SLC24A3: variants seen among roughly 807,000 people sequenced by gnomAD.
SLC24A3 encodes sodium/potassium/calcium exchanger 3.
A neutral mutation model predicts 75.8 loss-of-function variants in SLC24A3; 28 were observed. The observed-to-expected ratio is 0.37, with a 90% CI of 0.27 to 0.51. The LOEUF is 0.51. SLC24A3 is among the 20% of genes least tolerant of loss of function. The pLI, the probability that SLC24A3 is intolerant of heterozygous loss-of-function variation, is 0.94. For missense variants in SLC24A3, 663 were observed against 847.8 expected (o/e 0.78, Z 2.71); for synonymous variants, 372 against 334.1 (o/e 1.11, Z -1.24).
At chr20:19,647,674 A>T (rs1293344481) in intron 6 of SLC24A3, among the ~76,000 whole-genome samples, 1 of 152,242 alleles carries the variant, frequency 6.6e-6, no homozygotes, top group African/African-American at 2.4e-5. Flanking sequence ...ACTTAACATG[A>T]AAACTGCACA....
Position 19,212,695 on chromosome 20 carries a change from A to G in SLC24A3, c.-148A>G. On this transcript the variant is annotated 5_prime_UTR_variant, in exon 1 of 17. Transcript: ENST00000328041. ...AGACGGGCAGCGGCGAGGAGGAGGA[A>G]GAGGAGGCGGAGGCGGCGGCCGGGT... The G allele has an allele frequency of 2.2e-6, 1 of 456,818 alleles. No homozygotes were observed. Among genetic ancestry groups the G allele is most frequent in the Non-Finnish European group, 2.9e-6 (1 of 348,608 alleles). 28.3% of individuals were successfully genotyped at this position (456,818 alleles called of 1,614,324 possible).
At chr20:19,621,303 T>G (rs1273269347) in intron 6 of SLC24A3, among the ~76,000 whole-genome samples, 2 of 152,204 alleles carry the variant, frequency 1.3e-5, no homozygotes, top group African/African-American at 4.8e-5. Context: ...TTTCTCCCTA[T>G]GTCTCTTAGC....
chr20:19,271,852 T>C (rs1448383752), intron 1 of SLC24A3, among the ~76,000 whole-genome samples: 1 of 152,178 alleles, frequency 6.6e-6, no homozygotes, highest in East Asian at 1.9e-4. Context: ...GGGTGAGGGA[T>C]AAAAGACTAC....
chr20:19,291,780 C>A (rs1394152376), intron 2 of SLC24A3, among the ~76,000 whole-genome samples: 1 of 152,188 alleles, frequency 6.6e-6, no homozygotes. Context: ...GACCTCAGGG[C>A]CCACTCAGTG....
chr20:19,563,553 T>C (rs2030911099), intron 3 of SLC24A3, among the ~76,000 whole-genome samples: 1 of 152,208 alleles, frequency 6.6e-6, no homozygotes, highest in East Asian at 1.9e-4. Flanking sequence ...AGAATAAATG[T>C]TGAATAAATA....
intron 2 of SLC24A3, among the ~76,000 whole-genome samples, chr20:19,450,491 A>T (rs1987461581): frequency 6.6e-6 from 1 of 152,124 alleles, no homozygotes; most frequent in South Asian, 2.1e-4. Context: ...CCTCTGTGCA[A>T]CGTCACGTGT....
chr20:19,634,163 G>A (rs935038886), intron 6 of SLC24A3, among the ~76,000 whole-genome samples: 3 of 152,142 alleles, frequency 2.0e-5, no homozygotes, highest in Non-Finnish European at 2.9e-5. Flanking sequence ...CATGGTAGTG[G>A]TGTTTATGTG....
At chr20:19,317,191 A>G (rs1193355134) in intron 2 of SLC24A3, among the ~76,000 whole-genome samples, 2 of 152,222 alleles carry the variant, frequency 1.3e-5, no homozygotes, top group Admixed American at 1.3e-4. Flanking sequence ...AAAAACTTAA[A>G]TGCAAAACCC....
chr20:19,407,064 A>G (rs749535431), intron 2 of SLC24A3, among the ~76,000 whole-genome samples: 1 of 152,162 alleles, frequency 6.6e-6, no homozygotes, highest in Admixed American at 6.5e-5. Flanking sequence ...CCAATCTGTG[A>G]GGTTGGGATC....
intron 2 of SLC24A3, among the ~76,000 whole-genome samples, chr20:19,472,273 A>G (rs1254951415): frequency 1.3e-5 from 2 of 152,256 alleles, no homozygotes; most frequent in African/African-American, 2.4e-5. Context: ...CGTTATGCAC[A>G]TAAAAAATGC....
chr20:19,492,520 G>A (rs1423060002), intron 2 of SLC24A3, among the ~76,000 whole-genome samples: 2 of 152,184 alleles, frequency 1.3e-5, no homozygotes, highest in African/African-American at 2.4e-5. Context: ...CATTCAAGAA[G>A]CAGAGGATTC....
intron 2 of SLC24A3, among the ~76,000 whole-genome samples, chr20:19,306,817 T>A (rs1204191346): frequency 6.6e-6 from 1 of 152,122 alleles, no homozygotes; most frequent in Non-Finnish European, 1.5e-5. Context: ...AATTTACCCA[T>A]GCAATAAACC....
chr20:19,538,903 A>C lies in SLC24A3; in HGVS notation c.348+23339A>C, dbSNP rs539750453. On this transcript the variant is annotated intron_variant, in intron 3 of 16. Transcript: ENST00000328041. Reference sequence around the variant, plus strand: ...GGATAAACTGTGCTGTGTTCAAACAACAGAATGCTATGCAACAATGGTGAT... The same window carrying C: ...GGATAAACTGTGCTGTGTTCAAACACCAGAATGCTATGCAACAATGGTGAT... Among the ~76,000 whole-genome samples the C allele has an allele frequency of 3.9e-5, 6 of 152,382 alleles. No homozygotes were observed. In the East Asian group the frequency reaches 1.2e-3, roughly 29 times the overall value.
intron 15 of SLC24A3, among the ~76,000 whole-genome samples, chr20:19,699,838 G>A (rs563074665): frequency 4.6e-5 from 7 of 152,258 alleles, no homozygotes; most frequent in Middle Eastern, 3.4e-3. Flanking sequence ...TTTTGGGGAG[G>A]GCTGGTCAAG....
At chr20:19,712,331 T>G (rs6112529) in intron 15 of SLC24A3, among the ~76,000 whole-genome samples, 7,635 of 151,864 alleles carry the variant, frequency 0.05, 259 homozygotes, top group Middle Eastern at 0.11. Context: ...GAGGAAAAAC[T>G]CACGAGCCAG....
chr20:19,339,708 C>T (rs1985223786), intron 2 of SLC24A3, among the ~76,000 whole-genome samples: 1 of 152,182 alleles, frequency 6.6e-6, no homozygotes, highest in Non-Finnish European at 1.5e-5. Flanking sequence ...CAGAAACCAA[C>T]CAGGAGATAG....
chr20:19,256,553 G>A (rs548096864), intron 1 of SLC24A3, among the ~76,000 whole-genome samples: 31 of 152,170 alleles, frequency 2.0e-4, no homozygotes, highest in East Asian at 1.9e-4. Flanking sequence ...CAGATCACTT[G>A]AGGCCAGGAG....
intron 6 of SLC24A3, among the ~76,000 whole-genome samples, chr20:19,628,401 A>C (rs2031892932): frequency 6.6e-6 from 1 of 152,088 alleles, no homozygotes; most frequent in Admixed American, 6.5e-5. Flanking sequence ...CCTTTGTGAG[A>C]ACATCAGAAA....
At chr20:19,623,492 T>C (rs2031830863) in intron 6 of SLC24A3, among the ~76,000 whole-genome samples, 1 of 152,176 alleles carries the variant, frequency 6.6e-6, no homozygotes, top group Admixed American at 6.5e-5. Flanking sequence ...TCAGAATGTA[T>C]TGGGGTTGGC....
Sources: allele counts gnomAD v4.1 joint callset (sites outside exome capture counted in the v4.1 genomes callset), GRCh38; gene constraint gnomAD v4.1.1; transcripts MANE v1.5; gene names NCBI Gene and HGNC (gene_info 2026-07-23, HGNC 2026-07-21).